The following RABGAP1L variants were observed in gnomAD, a reference collection of about 807,000 sequenced individuals.
RABGAP1L encodes RAB GTPase activating protein 1 like.
In RABGAP1L, 63 loss-of-function variants were observed where a neutral mutation model predicts 137.7. The ratio of observed to expected loss-of-function variants is 0.46; its 90% CI spans 0.37 to 0.56. The LOEUF is 0.56. RABGAP1L is among the 20% of genes least tolerant of loss of function. The pLI, the probability that RABGAP1L is intolerant of heterozygous loss-of-function variation, is 0.00. For missense variants in RABGAP1L, 1,095 were observed against 1,244.0 expected (o/e 0.88, Z 1.80); for synonymous variants, 431 against 433.7 (o/e 0.99, Z 0.08).
intron 13 of RABGAP1L, among the ~76,000 whole-genome samples, chr1:174,421,868 A>C (rs1195303174): frequency 6.6e-6 from 1 of 152,174 alleles, no homozygotes; most frequent in Non-Finnish European, 1.5e-5. Flanking sequence ...TACTGGGTTC[A>C]AGTGATTCTC....
intron 19 of RABGAP1L, chr1:174,877,292 T>C (rs996569788): frequency 3.4e-6 from 3 of 894,164 alleles, no homozygotes; most frequent in Non-Finnish European, 5.2e-6. Context: ...AGTTTCCTAC[T>C]GGGGGTGAAT....
chr1:174,894,084 A>T (rs1656729568), intron 19 of RABGAP1L, among the ~76,000 whole-genome samples: 1 of 152,250 alleles, frequency 6.6e-6, no homozygotes, highest in African/African-American at 2.4e-5. Flanking sequence ...GATTGTGACC[A>T]CAATTTTGAT....
chr1:174,473,007 G>C (rs1258319656), intron 13 of RABGAP1L, among the ~76,000 whole-genome samples: 1 of 152,022 alleles, frequency 6.6e-6, no homozygotes, highest in Admixed American at 6.6e-5. Context: ...TTTTCTTACT[G>C]AAGTTTGTGC....
chr1:174,949,134 G>C (rs553893638), intron 19 of RABGAP1L, among the ~76,000 whole-genome samples: 8 of 152,344 alleles, frequency 5.3e-5, no homozygotes, highest in African/African-American at 1.9e-4. Context: ...TAGGCAAAGA[G>C]AGTGAAGGGA....
At chr1:174,728,130 A>G (rs1682146573) in intron 17 of RABGAP1L, among the ~76,000 whole-genome samples, 1 of 152,240 alleles carries the variant, frequency 6.6e-6, no homozygotes, top group Non-Finnish European at 1.5e-5. Flanking sequence ...TGACCTACAA[A>G]TATTTAATTG....
intron 13 of RABGAP1L, among the ~76,000 whole-genome samples, chr1:174,614,572 T>G (rs1040209636): frequency 6.6e-6 from 1 of 152,150 alleles, no homozygotes; most frequent in Non-Finnish European, 1.5e-5. Flanking sequence ...TTGCTCTTCT[T>G]GAGGAGTATC....
At chr1:174,455,165 T>C (rs990970735) in intron 13 of RABGAP1L, among the ~76,000 whole-genome samples, 8 of 152,134 alleles carry the variant, frequency 5.3e-5, no homozygotes, top group African/African-American at 1.9e-4. Flanking sequence ...TGGAGCCAAA[T>C]TAGTTTTTGA....
chr1:174,255,487 A>G (rs558484306), intron 7 of RABGAP1L, among the ~76,000 whole-genome samples: 140 of 152,232 alleles, frequency 9.2e-4, no homozygotes, highest in African/African-American at 3.2e-3. Flanking sequence ...TGTTACCAAA[A>G]TCTCAGATAT....
chr1:174,640,789 C>T (rs1039223786), intron 14 of RABGAP1L, among the ~76,000 whole-genome samples: 4 of 151,604 alleles, frequency 2.6e-5, no homozygotes, highest in East Asian at 1.9e-4. Context: ...TTTAGTATAG[C>T]GTTCAAATAA....
intron 13 of RABGAP1L, among the ~76,000 whole-genome samples, chr1:174,596,125 C>T (rs1166938088): frequency 3.7e-5 from 5 of 135,284 alleles, no homozygotes; most frequent in African/African-American, 6.3e-5. Context: ...TTTCCAGGTG[C>T]GTCCGTCACC....
intron 6 of RABGAP1L, among the ~76,000 whole-genome samples, chr1:174,251,342 A>T (rs1390929343): frequency 6.6e-6 from 1 of 151,080 alleles, no homozygotes; most frequent in Non-Finnish European, 1.5e-5. Context: ...ATATGGTTTG[A>T]CCACCACTTA....
intron 13 of RABGAP1L, among the ~76,000 whole-genome samples, chr1:174,599,356 G>A (rs1670243597): frequency 6.6e-6 from 1 of 152,126 alleles, no homozygotes; most frequent in Admixed American, 6.5e-5. Flanking sequence ...TTATATGGAA[G>A]ATATAAGTAG....
At chr1:174,460,221 A>G (rs993099427) in intron 13 of RABGAP1L, among the ~76,000 whole-genome samples, 2 of 147,270 alleles carry the variant, frequency 1.4e-5, no homozygotes, top group East Asian at 1.9e-4. Context: ...TCCCTTTCAC[A>G]TAATTAACTT....
Position 174,561,214 on chromosome 1 carries a change from G to T in RABGAP1L, c.1711-76161G>T, listed in dbSNP as rs551634377. 2.4e-4 allele frequency among the ~76,000 whole-genome samples: 36 copies of T among 151,926 alleles called. 1 individual carries two copies. In the East Asian group the frequency reaches 5.6e-3, roughly 24 times the overall value. ...GTGCAAAAATCACAAGCATTCCTATGCACCAAAAACAGAGAGCCAAATCAT... is the reference window on the plus strand; with the variant it reads ...GTGCAAAAATCACAAGCATTCCTATTCACCAAAAACAGAGAGCCAAATCAT... On this transcript the variant is annotated intron_variant, in intron 13 of 25. Transcript: ENST00000681986.
chr1:174,596,614 G>T lies in RABGAP1L; in HGVS notation c.1711-40761G>T, dbSNP rs373544119. Among the ~76,000 whole-genome samples the T allele has an allele frequency of 3.3e-5, 5 of 152,112 alleles. No homozygotes were observed. The South Asian group carries it at 1.0e-3, about 32-fold the overall frequency. ...TACTTCTCAGTTCTAATAATTTCTT[G>T]ATTAAGTCTTTAGGTTTTTCTAAAT... On this transcript the variant is annotated intron_variant, in intron 13 of 25. Coordinates refer to ENST00000681986, the MANE Select transcript of RABGAP1L (RefSeq NM_001366446.1).
intron 1 of RABGAP1L, among the ~76,000 whole-genome samples, chr1:174,173,163 T>G (rs1194888278): frequency 2.6e-5 from 4 of 151,304 alleles, no homozygotes; most frequent in Non-Finnish European, 5.9e-5. Flanking sequence ...GGAGTCTCAC[T>G]CTTGTTGCCC....
chr1:174,696,505 C>T (rs1327566386), intron 15 of RABGAP1L, among the ~76,000 whole-genome samples: 2 of 152,162 alleles, frequency 1.3e-5, no homozygotes, highest in South Asian at 2.1e-4. Flanking sequence ...TTGTAATACT[C>T]GTGGCCTAGA....
At chr1:174,323,608 G>T (rs965728173) in intron 11 of RABGAP1L, among the ~76,000 whole-genome samples, 12 of 152,078 alleles carry the variant, frequency 7.9e-5, no homozygotes, top group African/African-American at 2.9e-4. Context: ...TATTGTTTAG[G>T]GAGCTTTCAT....
intron 13 of RABGAP1L, among the ~76,000 whole-genome samples, chr1:174,401,545 C>T (rs1171119734): frequency 2.6e-5 from 4 of 152,016 alleles, no homozygotes; most frequent in Admixed American, 1.3e-4. Context: ...TCTTGAGGTC[C>T]GTGCAGGTTT....
Sources: gnomAD v4.1 joint callset for allele counts (sites outside exome capture counted in the v4.1 genomes callset) on GRCh38, gnomAD v4.1.1 for gene constraint, MANE v1.5 for transcripts, NCBI Gene and HGNC (gene_info 2026-07-23, HGNC 2026-07-21) for gene names.